SETBP1: variants seen among roughly 807,000 people sequenced by gnomAD.
SETBP1 encodes the protein SET binding protein 1.
A neutral mutation model predicts 101.0 loss-of-function variants in SETBP1; 9 were observed. That is an observed-to-expected ratio of 0.09 (90% CI 0.05 to 0.16). SETBP1 has a LOEUF of 0.16. SETBP1 is among the 10% of genes least tolerant of loss of function. The probability of loss-of-function intolerance (pLI) is 1.00; values close to 1 mark genes in which losing one functional copy is unlikely to be tolerated. For synonymous variants in SETBP1, 818 were observed against 788.5 expected (o/e 1.04, Z -0.63); for missense variants, 1,858 against 2,033.8 (o/e 0.91, Z 1.66).
At chr18:44,867,689 C>T (rs2069159469) in intron 2 of SETBP1, among the ~76,000 whole-genome samples, 1 of 152,082 alleles carries the variant, frequency 6.6e-6, no homozygotes, top group South Asian at 2.1e-4. Flanking sequence ...CTGCCTGCCC[C>T]CAAGACACCT....
intron 2 of SETBP1, among the ~76,000 whole-genome samples, chr18:44,711,704 ATT>A (rs11376628): frequency 4.0e-5 from 5 of 125,610 alleles, no homozygotes; most frequent in Non-Finnish European, 4.9e-5. Flanking sequence ...TTATCTTTAA[ATT>A]TTTTTTTTTT....
At chr18:44,687,998 G>T (rs1030547066) in intron 1 of SETBP1, among the ~76,000 whole-genome samples, 1 of 152,122 alleles carries the variant, frequency 6.6e-6, no homozygotes, top group Non-Finnish European at 1.5e-5. Flanking sequence ...CTTTGATTTG[G>T]GTTGGAGTAG....
At position 44,730,986 on chromosome 18, in the gene SETBP1, C is replaced by T. The variant is rs117775449; in HGVS notation, c.486+29154C>T. Reference sequence around the variant, plus strand: ...TGGCTGTGATAGTGTGACATTGCCCCACTTGTGACTGGCTCTGGCTGTGGG... The same window carrying T: ...TGGCTGTGATAGTGTGACATTGCCCTACTTGTGACTGGCTCTGGCTGTGGG... On this transcript the variant is annotated intron_variant, in intron 2 of 5. Transcript: ENST00000649279. Among the ~76,000 whole-genome samples the T allele has an allele frequency of 8.0e-3, 1,216 of 152,276 alleles. 15 individuals are homozygous for T. The highest frequency in any genetic ancestry group is 0.024 in the Middle Eastern group (7 of 294).
chr18:44,846,497 A>G (rs1275703260), intron 2 of SETBP1, among the ~76,000 whole-genome samples: 1 of 152,174 alleles, frequency 6.6e-6, no homozygotes, highest in Non-Finnish European at 1.5e-5. Context: ...TTTCCTATAC[A>G]TGGAGTCATA....
chr18:44,852,449 A>G (rs2072890764), intron 2 of SETBP1, among the ~76,000 whole-genome samples: 1 of 152,096 alleles, frequency 6.6e-6, no homozygotes, highest in South Asian at 2.1e-4. Flanking sequence ...GGGTCAAACA[A>G]CAGCTGCTCT....
Position 44,855,398 on chromosome 18 carries a change from G to A in SETBP1, c.487-13832G>A, listed in dbSNP as rs770481642. On this transcript the variant is annotated intron_variant, in intron 2 of 5. Transcript: ENST00000649279. Reference sequence around the variant, plus strand: ...CATTGGCATCTTTCACATGAACTCCGTGCAAAAGTCTGACTACCCTCACAC... The same window carrying A: ...CATTGGCATCTTTCACATGAACTCCATGCAAAAGTCTGACTACCCTCACAC... Among the ~76,000 whole-genome samples the A allele has an allele frequency of 4.6e-5, 7 of 152,140 alleles. No individual in the cohort carries two copies. The South Asian group carries it at 6.2e-4, about 14-fold the overall frequency.
chr18:44,997,198 C>G (rs1010094845), intron 4 of SETBP1, among the ~76,000 whole-genome samples: 10 of 152,132 alleles, frequency 6.6e-5, no homozygotes, highest in Non-Finnish European at 1.3e-4. Context: ...AGCTGAGCCA[C>G]CAGCCCTTCA....
intron 3 of SETBP1, among the ~76,000 whole-genome samples, chr18:44,942,782 A>G (rs2071115677): frequency 6.6e-6 from 1 of 152,230 alleles, no homozygotes; most frequent in Non-Finnish European, 1.5e-5. Context: ...AGTTATGCAG[A>G]ATTATTTACT....
intron 5 of SETBP1, among the ~76,000 whole-genome samples, chr18:45,046,034 G>A (rs895831984): frequency 1.3e-5 from 2 of 151,330 alleles, no homozygotes; most frequent in Non-Finnish European, 2.9e-5. Context: ...CAAGTTGAAT[G>A]CCACATCCTC....
At chr18:44,908,215 C>A (rs2070221894) in intron 3 of SETBP1, among the ~76,000 whole-genome samples, 1 of 152,072 alleles carries the variant, frequency 6.6e-6, no homozygotes, top group African/African-American at 2.4e-5. Flanking sequence ...CGCCCACCAC[C>A]ATGCTCATCT....
At chr18:44,745,361 A>ACG (rs1176352561) in intron 2 of SETBP1, among the ~76,000 whole-genome samples, 2 of 151,932 alleles carry the variant, frequency 1.3e-5, no homozygotes, top group Non-Finnish European at 2.9e-5. Context: ...AGGTGGAAAA[A>ACG]CGCTGCGGGG....
intron 1 of SETBP1, among the ~76,000 whole-genome samples, chr18:44,688,555 C>A (rs1157258045): frequency 6.6e-6 from 1 of 151,474 alleles, no homozygotes. Flanking sequence ...TGGGTTCAAG[C>A]AATTCTCCTG....
At chr18:44,819,924 C>T (rs2072071778) in intron 2 of SETBP1, among the ~76,000 whole-genome samples, 1 of 152,136 alleles carries the variant, frequency 6.6e-6, no homozygotes, top group South Asian at 2.1e-4. Flanking sequence ...ACTCAACAAC[C>T]AGGTTAGGGC....
At chr18:44,722,361 C>G (rs1212841001) in intron 2 of SETBP1, among the ~76,000 whole-genome samples, 1 of 152,174 alleles carries the variant, frequency 6.6e-6, no homozygotes, top group African/African-American at 2.4e-5. Flanking sequence ...GCTGCCCTAC[C>G]TTCTCACACA....
chr18:45,028,852 T>G (rs1352282492), intron 4 of SETBP1, among the ~76,000 whole-genome samples: 117 of 152,102 alleles, frequency 7.7e-4, no homozygotes, highest in Middle Eastern at 3.4e-3. Flanking sequence ...ACTTTTTGAT[T>G]GGGTTGTTTG....
chr18:44,834,626 A>C (rs1005995997), intron 2 of SETBP1, among the ~76,000 whole-genome samples: 10 of 152,242 alleles, frequency 6.6e-5, no homozygotes, highest in Admixed American at 2.0e-4. Flanking sequence ...AGCAGGGACC[A>C]GTAAATGTAA....
intron 2 of SETBP1, among the ~76,000 whole-genome samples, chr18:44,775,173 T>C (rs2070971219): frequency 6.6e-6 from 1 of 152,200 alleles, no homozygotes; most frequent in South Asian, 2.1e-4. Flanking sequence ...TATAGTTTCA[T>C]GGCTCATTGA....
Position 44,714,254 on chromosome 18 carries a change from A to C in SETBP1, c.486+12422A>C, listed in dbSNP as rs375593753. ...TGCTCTGTCACCCAGGCTGGTGTGC[A>C]GTGGCACGATTTCCGCTCACTGTAA... is the stretch of plus-strand genomic sequence containing the variant. On this transcript the variant is annotated intron_variant, in intron 2 of 5. Transcript: ENST00000649279. Among the ~76,000 whole-genome samples the C allele has an allele frequency of 3.3e-5, 5 of 151,952 alleles. No homozygotes were observed. The East Asian group carries it at 9.7e-4, about 30-fold the overall frequency.
At chr18:44,998,810 C>T (rs1054033207) in intron 4 of SETBP1, among the ~76,000 whole-genome samples, 26 of 152,182 alleles carry the variant, frequency 1.7e-4, no homozygotes, top group Non-Finnish European at 2.8e-4. Context: ...TTATTCACTG[C>T]TGTTTTATGA....
Sources: gnomAD v4.1 joint callset for allele counts (sites outside exome capture counted in the v4.1 genomes callset) on GRCh38, gnomAD v4.1.1 for gene constraint, MANE v1.5 for transcripts, NCBI Gene and HGNC (gene_info 2026-07-23, HGNC 2026-07-21) for gene names.